The following KAT2B variants were observed in gnomAD, a reference collection of about 807,000 sequenced individuals.
KAT2B encodes lysine acetyltransferase 2B.
In KAT2B, 36 loss-of-function variants were observed where a neutral mutation model predicts 105.9. The ratio of observed to expected loss-of-function variants is 0.34; its 90% CI spans 0.26 to 0.45. The LOEUF (loss-of-function observed/expected upper bound fraction) is 0.45. KAT2B is among the 20% of genes least tolerant of loss of function. The pLI, the probability that KAT2B is intolerant of heterozygous loss-of-function variation, is 1.00. For synonymous variants in KAT2B, 397 were observed against 377.9 expected (o/e 1.05, Z -0.59); for missense variants, 820 against 1,021.6 (o/e 0.80, Z 2.69).
chr3:20,066,614 G>C (rs1375685055), intron 1 of KAT2B, among the ~76,000 whole-genome samples: 1 of 151,678 alleles, frequency 6.6e-6, no homozygotes, highest in African/African-American at 2.4e-5. Flanking sequence ...GGCCAGGCTG[G>C]TCTCGAACTC....
intron 8 of KAT2B, among the ~76,000 whole-genome samples, chr3:20,121,732 ATGTGTG>A (rs3840188): frequency 0.036 from 3,944 of 109,708 alleles, 156 homozygotes; most frequent in African/African-American, 0.1. Flanking sequence ...ACATATGCAT[ATGTGTG>A]TGTGTGTGTG....
At chr3:20,075,490 G>C (rs4858756) in intron 2 of KAT2B, among the ~76,000 whole-genome samples, 80,200 of 151,592 alleles carry the variant, frequency 0.53, 22,579 homozygotes, top group African/African-American at 0.73. Flanking sequence ...TCCCACAATA[G>C]TGCTCCCACT....
At chr3:20,138,237 C>T (rs1390311187) in intron 12 of KAT2B, among the ~76,000 whole-genome samples, 1 of 152,092 alleles carries the variant, frequency 6.6e-6, no homozygotes, top group Non-Finnish European at 1.5e-5. Context: ...TTTTTCCTCT[C>T]AGCTCATACC....
In KAT2B at chr3:20,063,534, CTTTTTTTTTTT is replaced by C. The variant is rs36058009; in HGVS notation, c.304-8779_304-8769del. 5.0e-4 allele frequency among the ~76,000 whole-genome samples: 44 copies of C among 88,832 alleles called. 1 individual carries two copies. The highest frequency in any genetic ancestry group is 1.4e-3 in the East Asian group (5 of 3,564). 58.3% of individuals were successfully genotyped at this position (88,832 alleles called of 152,430 possible). ...CTCACAGCAACTTCTGAGTAGGCCT[CTTTTTTTTTTT>C]TTTTTTTTTTTTTTTTTTTGAGATG... is the stretch of plus-strand genomic sequence containing the variant. On this transcript the variant is annotated intron_variant, in intron 1 of 17. Transcript: ENST00000263754.
intron 8 of KAT2B, 143 bp downstream of exon 8, chr3:20,119,866 C>T: frequency 1.2e-6 from 1 of 825,038 alleles, no homozygotes; most frequent in South Asian, 1.9e-5. Context: ...TTGTATTAGG[C>T]TTTTGGCTGT....
chr3:20,083,735 A>G (rs1471145653), intron 2 of KAT2B, among the ~76,000 whole-genome samples: 3 of 152,118 alleles, frequency 2.0e-5, no homozygotes, highest in Admixed American at 2.0e-4. Context: ...TGTCTCTGAG[A>G]GAGAATGAGG....
At chr3:20,081,765 A>G (rs904582347) in intron 2 of KAT2B, among the ~76,000 whole-genome samples, 30 of 152,102 alleles carry the variant, frequency 2.0e-4, no homozygotes, top group African/African-American at 7.0e-4. Context: ...TTAATTTGCA[A>G]ATAATTAAAA....
At chr3:20,064,570 CCTT>C (rs1575112510) in intron 1 of KAT2B, among the ~76,000 whole-genome samples, 1 of 152,196 alleles carries the variant, frequency 6.6e-6, no homozygotes, top group East Asian at 1.9e-4. Context: ...AAGAGTGAGT[CCTT>C]CCTCTCTCAC....
intron 13 of KAT2B, among the ~76,000 whole-genome samples, chr3:20,143,289 A>G (rs1699725599): frequency 6.6e-6 from 1 of 152,230 alleles, no homozygotes; most frequent in African/African-American, 2.4e-5. Flanking sequence ...GAACACAATG[A>G]AAATATCTCC....
At position 20,112,621 on chromosome 3, in the gene KAT2B, C is replaced by T. The variant is rs374081547; in HGVS notation, c.1043+834C>T. Among the ~76,000 whole-genome samples, 16 of 152,278 alleles carry T rather than the reference C, an allele frequency of 1.1e-4. 1 individual carries two copies. The South Asian group carries it at 3.1e-3, about 30-fold the overall frequency. The stretch of plus-strand genomic sequence containing the variant: ...GACAGTTCATTCTGTGATTATCATT[C>T]CGCCTAGATCAGCGCTTGGTCAGGA... On this transcript the variant is annotated intron_variant, in intron 6 of 17. Coordinates refer to ENST00000263754, the MANE Select transcript of KAT2B (RefSeq NM_003884.5).
intron 7 of KAT2B, among the ~76,000 whole-genome samples, chr3:20,116,685 C>T (rs765545370): frequency 2.4e-4 from 37 of 152,168 alleles, no homozygotes; most frequent in Middle Eastern, 3.4e-3. Context: ...GTCAGAGACC[C>T]AGTTTTGTCA....
Position 20,126,019 on chromosome 3 carries a change from A to T in KAT2B, c.1528A>T (p.Lys510Ter). 1 of 1,614,120 alleles carries T rather than the reference A, an allele frequency of 6.2e-7. No individual in the cohort carries two copies. Among genetic ancestry groups the T allele is most frequent in the Non-Finnish European group, 8.5e-7 (1 of 1,180,004 alleles). The change falls in exon 10 of 18, where the codon AAG (lysine) becomes TAG (stop). Residue 510 changes from lysine to a stop codon, truncating the protein, a stop_gained. Transcript: ENST00000263754. LOFTEE classifies it high-confidence loss of function. Reference protein sequence around the residue: ...GNSLNQKPNKKILMWLVGLQN... With the variant: ...GNSLNQKPNK ...TTCCCTCAACCAGAAACCAAACAAG[A>T]AGATCCTGATGTGGCTGGTTGGCCT...
intron 11 of KAT2B, among the ~76,000 whole-genome samples, chr3:20,134,948 T>A (rs1699575772): frequency 6.6e-6 from 1 of 152,194 alleles, no homozygotes; most frequent in African/African-American, 2.4e-5. Flanking sequence ...TAATGAGAAT[T>A]TTTTTCCTAG....
intron 1 of KAT2B, among the ~76,000 whole-genome samples, chr3:20,057,118 G>C (rs1698015417): frequency 6.6e-6 from 1 of 152,164 alleles, no homozygotes; most frequent in Non-Finnish European, 1.5e-5. Context: ...AGAAGGTATA[G>C]ATCTGACAGA....
chr3:20,104,846 T>C (rs1698970390), intron 5 of KAT2B, among the ~76,000 whole-genome samples: 1 of 151,760 alleles, frequency 6.6e-6, no homozygotes, highest in African/African-American at 2.4e-5. Context: ...TTCTCTGTTC[T>C]GAAGAAAAGA....
chr3:20,049,143 A>C (rs758342976), intron 1 of KAT2B, among the ~76,000 whole-genome samples: 6 of 152,112 alleles, frequency 3.9e-5, no homozygotes, highest in Non-Finnish European at 8.8e-5. Context: ...TACAGGTGTG[A>C]GCCACCGCGC....
chr3:20,082,002 T>A (rs1413819914), intron 2 of KAT2B, among the ~76,000 whole-genome samples: 1 of 151,718 alleles, frequency 6.6e-6, no homozygotes, highest in Non-Finnish European at 1.5e-5. Context: ...TAGCCCTTCC[T>A]CCCCTAAATA....
rs112082681 is a variant in KAT2B at position 20,043,592 on chromosome 3, TG to T, written c.303+2814del. 6.0e-3 allele frequency among the ~76,000 whole-genome samples: 912 copies of T among 152,054 alleles called. 9 individuals carry two copies. Among genetic ancestry groups the T allele is most frequent in the African/African-American group, 0.021 (870 of 41,474 alleles). On this transcript the variant is annotated intron_variant, in intron 1 of 17. Coordinates refer to ENST00000263754, the MANE Select transcript of KAT2B (RefSeq NM_003884.5). ...GTAGTGGAGAAACTGAAAGCAGTTG[TG>T]GAAGCTTGGAGGTGGGCCAACTGAG...
At chr3:20,068,247 C>T (rs1004969255) in intron 1 of KAT2B, among the ~76,000 whole-genome samples, 2 of 150,974 alleles carry the variant, frequency 1.3e-5, no homozygotes, top group African/African-American at 4.9e-5. Context: ...CCGCCTGCCT[C>T]GGCCTCCCAA....
Sources: allele counts gnomAD v4.1 joint callset (sites outside exome capture counted in the v4.1 genomes callset), GRCh38; gene constraint gnomAD v4.1.1; transcripts MANE v1.5; gene names NCBI Gene and HGNC (gene_info 2026-07-23, HGNC 2026-07-21).